Variants in PCCB observed in about 807,000 individuals in gnomAD.
The protein encoded by PCCB is propionyl-CoA carboxylase beta chain, mitochondrial.
In PCCB, 43 loss-of-function variants were observed where a neutral mutation model predicts 60.7. That is an observed-to-expected ratio of 0.71 (90% confidence interval 0.55 to 0.91). The LOEUF is 0.91. Ranked by LOEUF, PCCB falls within the 40% of genes least tolerant of loss-of-function variation. The pLI is 0.00. For missense variants in PCCB, 766 were observed against 702.8 expected, an observed-to-expected ratio of 1.09 and a Z score of -1.02; for synonymous variants, 276 against 255.9, an observed-to-expected ratio of 1.08 and a Z score of -0.75.
intron 5 of PCCB, among the ~76,000 whole-genome samples, chr3:136,277,214 C>T (rs1210409216): frequency 3.3e-5 from 5 of 152,160 alleles, no homozygotes; most frequent in African/African-American, 7.2e-5. Flanking sequence ...GAACTGGTCA[C>T]GTGGACAGAT....
At chr3:136,320,550 T>A (rs1012346351) in intron 10 of PCCB, among the ~76,000 whole-genome samples, 7 of 152,242 alleles carry the variant, frequency 4.6e-5, no homozygotes, top group Admixed American at 4.6e-4. Context: ...ATCTTGTAAC[T>A]TGCAACTTTG....
At chr3:136,323,903 C>G (rs987151369) in intron 10 of PCCB, among the ~76,000 whole-genome samples, 2 of 149,640 alleles carry the variant, frequency 1.3e-5, no homozygotes, top group Non-Finnish European at 3.0e-5. Flanking sequence ...TCATTTTATA[C>G]CTTGTGATTT....
At chr3:136,319,647 C>T (rs1209542551) in intron 10 of PCCB, among the ~76,000 whole-genome samples, 1 of 152,214 alleles carries the variant, frequency 6.6e-6, no homozygotes, top group East Asian at 1.9e-4. Flanking sequence ...ATCTGCCCAC[C>T]TTGGCCTCCC....
At chr3:136,295,412 G>T (rs1311902333) in intron 7 of PCCB, among the ~76,000 whole-genome samples, 2 of 152,220 alleles carry the variant, frequency 1.3e-5, no homozygotes, top group Admixed American at 1.3e-4. Context: ...GGTTGGCATC[G>T]ATCTTGACTC....
rs1941665189 is a variant in PCCB at position 136,256,084 on chromosome 3, G to C, written c.303+109G>C. On this transcript the variant is annotated intron_variant, in intron 2 of 14. Coordinates refer to ENST00000251654, the MANE Select transcript of PCCB (RefSeq NM_000532.5). ...CTTTTATCTGAAGTCCTCTGCAGAGGCACTGCAGACATCAAGCCCAGATAA... is the reference window on the plus strand; with the variant it reads ...CTTTTATCTGAAGTCCTCTGCAGAGCCACTGCAGACATCAAGCCCAGATAA... The C allele has an allele frequency of 1.4e-5, 20 of 1,463,906 alleles. No individual in the cohort carries two copies. The South Asian group carries it at 2.2e-4, about 16-fold the overall frequency. The allele number at this position is 1,463,906 out of a possible 1,614,324, so 90.7% of individuals were successfully genotyped here.
At chr3:136,270,534 C>T (rs67214626) in intron 5 of PCCB, among the ~76,000 whole-genome samples, 54,286 of 151,888 alleles carry the variant, frequency 0.36, 10,698 homozygotes, top group African/African-American at 0.51. Context: ...TAGGCAGAGT[C>T]TTGCTCTGTT....
chr3:136,321,833 C>T (rs969987789), intron 10 of PCCB, among the ~76,000 whole-genome samples: 1 of 152,176 alleles, frequency 6.6e-6, no homozygotes, highest in African/African-American at 2.4e-5. Flanking sequence ...GTATATTAGC[C>T]TTTTATCCTG....
chr3:136,299,445 C>G (rs1201084946), intron 8 of PCCB, among the ~76,000 whole-genome samples: 1 of 149,648 alleles, frequency 6.7e-6, no homozygotes, highest in African/African-American at 2.5e-5. Context: ...TGTATATATG[C>G]ATATGTATGC....
At chr3:136,297,922 C>G (rs1324473361) in intron 7 of PCCB, 30 bp from the exon 8 acceptor site, 1 of 1,613,884 alleles carries the variant, frequency 6.2e-7, no homozygotes, top group East Asian at 2.2e-5. Flanking sequence ...GGTACCCTGA[C>G]TCAATCATAT....
chr3:136,290,593 C>T (rs1360587375), intron 6 of PCCB, among the ~76,000 whole-genome samples: 1 of 150,724 alleles, frequency 6.6e-6, no homozygotes, highest in African/African-American at 2.4e-5. Flanking sequence ...CTCCTGGGCT[C>T]ACATGGTCTT....
intron 2 of PCCB, 149 bp downstream of exon 2, chr3:136,256,124 G>A: frequency 3.4e-6 from 4 of 1,159,598 alleles, no homozygotes; most frequent in Non-Finnish European, 4.9e-6. Flanking sequence ...TGTATTTTTA[G>A]TAGAGATGGG....
chr3:136,277,307 G>A (rs1432675832), intron 5 of PCCB, among the ~76,000 whole-genome samples: 1 of 152,212 alleles, frequency 6.6e-6, no homozygotes, highest in African/African-American at 2.4e-5. Flanking sequence ...TCTGTTCACA[G>A]TGTTATTCTA....
At chr3:136,256,006 T>C (rs759558990) in intron 2 of PCCB, 31 bp downstream of exon 2, 5 of 1,614,122 alleles carry the variant, frequency 3.1e-6, no homozygotes, top group Non-Finnish European at 4.2e-6. Flanking sequence ...GTGAACACTT[T>C]TTAGGTGTGG....
chr3:136,281,447 G>C (rs185007165), intron 5 of PCCB, among the ~76,000 whole-genome samples: 1 of 151,544 alleles, frequency 6.6e-6, no homozygotes, highest in East Asian at 1.9e-4. Context: ...CAGGCTTTCT[G>C]CTTGGTTCCT....
intron 5 of PCCB, among the ~76,000 whole-genome samples, chr3:136,280,369 CAG>C (rs1942444674): frequency 6.6e-6 from 1 of 152,162 alleles, no homozygotes; most frequent in African/African-American, 2.4e-5. Context: ...CTTTTTGAGA[CAG>C]AGTTTTGCTC....
chr3:136,256,485 G>A lies in PCCB; in HGVS notation c.304-70G>A. On this transcript the variant is annotated intron_variant, in intron 2 of 14. Transcript: ENST00000251654. ...GGTTTTGTTTTTGTCTTTCATTGAGGCATAGTGGCCAAACTCATTAGAAGA... is the reference window on the plus strand; with the variant it reads ...GGTTTTGTTTTTGTCTTTCATTGAGACATAGTGGCCAAACTCATTAGAAGA... The A allele has an allele frequency of 1.9e-5, 21 of 1,092,814 alleles. No individual in the cohort carries two copies. In the South Asian group the frequency reaches 2.1e-4, roughly 11 times the overall value. 67.7% of individuals were successfully genotyped at this position (1,092,814 alleles called of 1,614,324 possible).
intron 6 of PCCB, among the ~76,000 whole-genome samples, chr3:136,289,905 T>C (rs941065085): frequency 3.9e-5 from 6 of 152,254 alleles, no homozygotes; most frequent in African/African-American, 1.4e-4. Flanking sequence ...TACCTTATAA[T>C]AGCAAAATCA....
chr3:136,252,625 T>C (rs1361313738), intron 1 of PCCB, among the ~76,000 whole-genome samples: 2 of 150,856 alleles, frequency 1.3e-5, no homozygotes, highest in Non-Finnish European at 2.9e-5. Flanking sequence ...CCTTCTGGGC[T>C]CCAGTGATCC....
intron 5 of PCCB, among the ~76,000 whole-genome samples, chr3:136,271,482 C>T (rs939000287): frequency 6.6e-6 from 1 of 152,162 alleles, no homozygotes; most frequent in Non-Finnish European, 1.5e-5. Flanking sequence ...ATTCTTACCT[C>T]CATGAGCATG....
Sources: gnomAD v4.1 joint callset for allele counts (sites outside exome capture counted in the v4.1 genomes callset) on GRCh38, gnomAD v4.1.1 for gene constraint, MANE v1.5 for transcripts, NCBI Gene and HGNC (gene_info 2026-07-23, HGNC 2026-07-21) for gene names.